H3C4: variants seen among roughly 807,000 people sequenced by gnomAD.
The protein encoded by H3C4 is histone H3.1.
Under a neutral mutation model 8.7 loss-of-function variants are expected in H3C4, and 10 were observed. That is an observed-to-expected ratio of 1.15 (90% CI 0.71 to 1.96). H3C4 has a LOEUF of 1.96. Among genes scored for constraint, H3C4 ranks in the 30% most tolerant of loss-of-function variants. The pLI, the probability that H3C4 is intolerant of heterozygous loss-of-function variation, is 0.00. For synonymous variants in H3C4, 141 were observed against 80.1 expected, an observed-to-expected ratio of 1.76 and a Z score of -4.06; for missense variants, 216 against 192.9, an observed-to-expected ratio of 1.12 and a Z score of -0.71.
At chr6:26,197,470 C>A (rs1418841551), upstream of H3C4, among the ~76,000 whole-genome samples, 1 of 152,130 alleles carries the variant, frequency 6.6e-6, no homozygotes, top group Non-Finnish European at 1.5e-5. Flanking sequence ...TCAACCCTTT[C>A]CCCTCTGTGC....
chr6:26,196,940 A>T lies in H3C4; in HGVS notation c.311T>A (p.Leu104Gln), dbSNP rs1764982496. The change falls in exon 1 of 1, where the codon CTG becomes CAG. Residue 104 changes from leucine (L) to glutamine (Q), a missense_variant. Coordinates refer to ENST00000356476, the MANE Select transcript of H3C4 (RefSeq NM_001376937.1). ...QEACEAYLVG[L>Q]FEDTNLCAIH... ...GGCGCATAGGTTGGTGTCCTCAAAC[A>T]GCCCCACCAGGTAGGCCTCGCAGGC... The T allele has an allele frequency of 5.0e-6, 8 of 1,614,248 alleles. No individual in the cohort carries two copies. Among genetic ancestry groups the T allele is most frequent in the Non-Finnish European group, 6.8e-6 (8 of 1,180,028 alleles).
upstream of H3C4, chr6:26,198,715 G>C (rs78771389): frequency 9.4e-3 from 7,805 of 827,746 alleles, 55 homozygotes; most frequent in Non-Finnish European, 0.013. Flanking sequence ...CTTATAAATG[G>C]AAAAATTATT....
upstream of H3C4, chr6:26,199,153 C>G: frequency 6.2e-7 from 1 of 1,614,144 alleles, no homozygotes; most frequent in Non-Finnish European, 8.5e-7. Flanking sequence ...AAGCGGTGTA[C>G]GCGGCCCACA....
At chr6:26,198,318 A>G (rs1765029377), upstream of H3C4, among the ~76,000 whole-genome samples, 1 of 152,062 alleles carries the variant, frequency 6.6e-6, no homozygotes, top group Non-Finnish European at 1.5e-5. Flanking sequence ...TTTGCATTTT[A>G]ATTAGTTTGC....
Position 26,196,873 on chromosome 6 carries a change from C to G in H3C4, c.378G>C (p.Gln126His), listed in dbSNP as rs1271682139. The G allele has an allele frequency of 1.2e-6, 2 of 1,614,226 alleles. No homozygotes were observed. The highest frequency in any genetic ancestry group is 1.7e-6 in the Non-Finnish European group (2 of 1,180,032). Residue 126 changes from glutamine to histidine, a missense_variant, in exon 1 of 1, where the codon CAG (glutamine) becomes CAC (histidine). By Grantham distance (24) the Gln-to-His change is conservative (BLOSUM62 0). Coordinates refer to ENST00000356476, the MANE Select transcript of H3C4 (RefSeq NM_001376937.1). ...KRVTIMPKDIQLARRIRGERA is the reference protein window; with the variant it reads ...KRVTIMPKDIHLARRIRGERA The stretch of plus-strand genomic sequence containing the variant: ...TCTCCCCACGAATGCGGCGAGCAAG[C>G]TGGATGTCCTTGGGCATGATAGTCA...
upstream of H3C4, chr6:26,199,029 C>T (rs1765059045): frequency 1.2e-6 from 2 of 1,613,896 alleles, no homozygotes; most frequent in Non-Finnish European, 1.7e-6. Flanking sequence ...CTTGTTGTCG[C>T]GGGCGGCGTT....
chr6:26,197,322 C>T, upstream of H3C4: 3 of 1,505,648 alleles, frequency 2.0e-6, no homozygotes, highest in Non-Finnish European at 2.7e-6. Context: ...TATATAAAGA[C>T]ACCCCTGTTC....
chr6:26,198,842 G>C (rs770383182), upstream of H3C4: 3 of 1,611,328 alleles, frequency 1.9e-6, no homozygotes, highest in Admixed American at 1.7e-5. Context: ...CAATATAAGA[G>C]TTCTCGTTTT....
chr6:26,196,870 A>C lies in H3C4; in HGVS notation c.381T>G (p.Leu127=), dbSNP rs1764980021. The C allele has an allele frequency of 6.2e-7, 1 of 1,614,068 alleles. No individual in the cohort carries two copies. The highest frequency in any genetic ancestry group is 1.3e-5 in the African/African-American group (1 of 74,934). The part of the protein sequence containing the change: ...RVTIMPKDIQ[L]ARRIRGERA The stretch of plus-strand genomic sequence containing the variant: ...CCCTCTCCCCACGAATGCGGCGAGC[A>C]AGCTGGATGTCCTTGGGCATGATAG... Residue 127 remains leucine (L), a synonymous_variant, in exon 1 of 1, where the codon CTT becomes CTG. Transcript: ENST00000356476.
chr6:26,197,312 T>C (rs1581448910), upstream of H3C4: 1 of 1,556,298 alleles, frequency 6.4e-7, no homozygotes, highest in South Asian at 1.2e-5. Context: ...CGTACCCGTA[T>C]ATATAAAGAC....
chr6:26,196,883 T>C lies in H3C4; in HGVS notation c.368A>G (p.Lys123Arg), dbSNP rs778975817. The change falls in exon 1 of 1, where the codon AAG (lysine) becomes AGG (arginine). Residue 123 changes from lysine (K) to arginine (R), a missense_variant. Physicochemically the swap from Lys to Arg is conservative, Grantham distance 26. Transcript: ENST00000356476. ...IHAKRVTIMP[K>R]DIQLARRIRG... Reference sequence around the variant, plus strand: ...AATGCGGCGAGCAAGCTGGATGTCCTTGGGCATGATAGTCACTCGCTTGGC... The same window carrying C: ...AATGCGGCGAGCAAGCTGGATGTCCCTGGGCATGATAGTCACTCGCTTGGC... 5.0e-6 allele frequency: 8 copies of C among 1,614,236 alleles called. No individual in the cohort carries two copies. The highest frequency in any genetic ancestry group is 5.9e-6 in the Non-Finnish European group (7 of 1,180,030).
rs1484858357 is a variant in H3C4, at chr6:26,197,163, C to G, written c.88G>C (p.Ala30Pro). ...TTCTTCACGCCGCCGGTGGCTGGAGCGCTCTTTCGAGCAGCCTTGGTGGCC... is the reference window on the plus strand; with the variant it reads ...TTCTTCACGCCGCCGGTGGCTGGAGGGCTCTTTCGAGCAGCCTTGGTGGCC... ...QLATKAARKS[A>P]PATGGVKKPH... Residue 30 changes from alanine (A) to proline (P), a missense_variant, in exon 1 of 1, where the codon GCT becomes CCT. By Grantham distance (27) the Ala-to-Pro change is conservative. Transcript: ENST00000356476. 6.2e-7 allele frequency: 1 copy of G among 1,614,040 alleles called. No individual in the cohort carries two copies. Among genetic ancestry groups the G allele is most frequent in the African/African-American group, 1.3e-5 (1 of 74,944 alleles).
At chr6:26,199,245 T>G (rs1282703411), upstream of H3C4, 1 of 1,592,324 alleles carries the variant, frequency 6.3e-7, no homozygotes, top group Non-Finnish European at 8.5e-7. Flanking sequence ...TCCGGACATT[T>G]TGAATTCTTA....
At chr6:26,197,839 CTTA>C (rs1437095550), upstream of H3C4, among the ~76,000 whole-genome samples, 2 of 137,596 alleles carry the variant, frequency 1.5e-5, no homozygotes, top group Non-Finnish European at 1.5e-5. Context: ...TGAAAGCACT[CTTA>C]TCTTTTACAA....
upstream of H3C4, chr6:26,199,251 T>A (rs1389805157): frequency 2.5e-6 from 4 of 1,591,856 alleles, no homozygotes; most frequent in African/African-American, 5.5e-5. Flanking sequence ...CATTTTGAAT[T>A]CTTAAAAACG....
rs750904441 is a variant in H3C4 at position 26,197,182 on chromosome 6, G to C, written c.69C>G (p.Thr23=). 8 of 1,613,966 alleles carry C rather than the reference G, an allele frequency of 5.0e-6. No individual in the cohort carries two copies. In the African/African-American group the frequency reaches 8.0e-5, roughly 16 times the overall value. ...GGKAPRKQLA[T]KAARKSAPAT... Reference sequence around the variant, plus strand: ...CTGGAGCGCTCTTTCGAGCAGCCTTGGTGGCCAGCTGCTTGCGTGGCGCTT... The same window carrying C: ...CTGGAGCGCTCTTTCGAGCAGCCTTCGTGGCCAGCTGCTTGCGTGGCGCTT... Residue 23 remains threonine, a synonymous_variant, in exon 1 of 1, where the codon ACC becomes ACG. Transcript: ENST00000356476.
chr6:26,198,784 T>A (rs1021992523), upstream of H3C4: 17 of 1,476,862 alleles, frequency 1.2e-5, no homozygotes, highest in African/African-American at 1.6e-4. Flanking sequence ...AAGGAATACA[T>A]GGGTGGCTCT....
At chr6:26,198,720 A>G, upstream of H3C4, 2 of 866,362 alleles carry the variant, frequency 2.3e-6, no homozygotes, top group South Asian at 3.7e-5. Flanking sequence ...AAATGGAAAA[A>G]TTATTAAAGA....
upstream of H3C4, among the ~76,000 whole-genome samples, chr6:26,198,398 C>T (rs1283781603): frequency 2.6e-5 from 4 of 152,228 alleles, no homozygotes; most frequent in South Asian, 6.2e-4. Context: ...GTGGCGCGAT[C>T]TCGACTCACT....
Sources: gnomAD v4.1 joint callset for allele counts (sites outside exome capture counted in the v4.1 genomes callset) on GRCh38, gnomAD v4.1.1 for gene constraint, MANE v1.5 for transcripts, NCBI Gene and HGNC (gene_info 2026-07-23, HGNC 2026-07-21) for gene names.